THSD7A: variants seen among roughly 807,000 people sequenced by gnomAD.
THSD7A encodes the protein thrombospondin type-1 domain-containing protein 7A.
In THSD7A, 96 loss-of-function variants were observed where a neutral mutation model predicts 231.3. That is an observed-to-expected ratio of 0.41 (90% CI 0.35 to 0.49). The LOEUF (loss-of-function observed/expected upper bound fraction) is 0.49. THSD7A is among the 20% of genes least tolerant of loss of function. The pLI, the probability that THSD7A is intolerant of heterozygous loss-of-function variation, is 0.05. For synonymous variants in THSD7A, 940 were observed against 743.3 expected (o/e 1.26, Z -4.30); for missense variants, 2,290 against 2,070.2 (o/e 1.11, Z -2.06).
At chr7:11,666,634 G>T (rs1367011673) in intron 1 of THSD7A, among the ~76,000 whole-genome samples, 1 of 151,488 alleles carries the variant, frequency 6.6e-6, no homozygotes, top group African/African-American at 2.4e-5. Flanking sequence ...TAATTATCTT[G>T]ATTGTATAAT....
intron 13 of THSD7A, among the ~76,000 whole-genome samples, chr7:11,443,759 G>A (rs1156752781): frequency 6.6e-6 from 1 of 151,692 alleles, no homozygotes; most frequent in Non-Finnish European, 1.5e-5. Flanking sequence ...ATATTTATGG[G>A]GTACCTGTGA....
chr7:11,685,973 C>A (rs1780037168), intron 1 of THSD7A, among the ~76,000 whole-genome samples: 1 of 151,840 alleles, frequency 6.6e-6, no homozygotes, highest in Non-Finnish European at 1.5e-5. Flanking sequence ...AAACTTGGTG[C>A]CCATTAATGG....
At chr7:11,503,940 C>T (rs1787442609) in intron 6 of THSD7A, among the ~76,000 whole-genome samples, 1 of 152,118 alleles carries the variant, frequency 6.6e-6, no homozygotes, top group African/African-American at 2.4e-5. Flanking sequence ...ACCATTTGGT[C>T]CAGCAATCCC....
At chr7:11,755,253 G>A (rs1463335116) in intron 1 of THSD7A, among the ~76,000 whole-genome samples, 1 of 152,036 alleles carries the variant, frequency 6.6e-6, no homozygotes, top group Non-Finnish European at 1.5e-5. Flanking sequence ...CTCATTTAGG[G>A]ACATGGTATA....
At chr7:11,391,880 G>A (rs1382108419) in intron 23 of THSD7A, among the ~76,000 whole-genome samples, 1 of 152,036 alleles carries the variant, frequency 6.6e-6, no homozygotes, top group African/African-American at 2.4e-5. Flanking sequence ...CTCCCCAGGT[G>A]AGGCAATGCC....
At chr7:11,541,374 C>G in intron 6 of THSD7A, 45 bp downstream of exon 6, 1 of 1,564,264 alleles carries the variant, frequency 6.4e-7, no homozygotes, top group Non-Finnish European at 8.8e-7. Flanking sequence ...AACATATATG[C>G]AGGGTTGGAC....
chr7:11,708,216 A>T (rs1780833344), intron 1 of THSD7A, among the ~76,000 whole-genome samples: 2 of 150,822 alleles, frequency 1.3e-5, no homozygotes, highest in South Asian at 4.1e-4. Context: ...TTAAACTTTT[A>T]TAATTATTCC....
At chr7:11,706,759 C>G (rs535027492) in intron 1 of THSD7A, among the ~76,000 whole-genome samples, 1 of 147,326 alleles carries the variant, frequency 6.8e-6, no homozygotes, top group Admixed American at 6.9e-5. Context: ...GTTCTAATCA[C>G]TTTCAAAGGT....
At chr7:11,525,181 C>T (rs931489543) in intron 6 of THSD7A, among the ~76,000 whole-genome samples, 9 of 152,162 alleles carry the variant, frequency 5.9e-5, no homozygotes, top group Admixed American at 3.9e-4. Flanking sequence ...CTTTATGACT[C>T]AGATGCAACT....
intron 4 of THSD7A, among the ~76,000 whole-genome samples, chr7:11,578,644 A>C (rs2128337058): frequency 6.6e-6 from 1 of 152,328 alleles, no homozygotes; most frequent in East Asian, 1.9e-4. Context: ...ATAGCAGAAA[A>C]GGGCTATACA....
intron 1 of THSD7A, among the ~76,000 whole-genome samples, chr7:11,711,083 A>G (rs1369156556): frequency 6.6e-6 from 1 of 150,954 alleles, no homozygotes; most frequent in African/African-American, 2.4e-5. Context: ...TATTCCTGAT[A>G]GTGTCTTCTT....
intron 1 of THSD7A, among the ~76,000 whole-genome samples, chr7:11,791,259 G>A (rs1253773070): frequency 6.6e-6 from 1 of 151,966 alleles, no homozygotes; most frequent in Non-Finnish European, 1.5e-5. Flanking sequence ...CTTGCTCTGA[G>A]TGAGTTCTCT....
chr7:11,729,011 A>G (rs11982362), intron 1 of THSD7A, among the ~76,000 whole-genome samples: 2,950 of 151,928 alleles, frequency 0.019, 103 homozygotes, highest in African/African-American at 0.068. Flanking sequence ...ATGAAACCAT[A>G]TCATTAAAGA....
rs139910424 is a variant in THSD7A, at chr7:11,701,663, G to A, written c.191-64702C>T. 6.0e-4 allele frequency among the ~76,000 whole-genome samples: 90 copies of A among 151,114 alleles called. 1 individual carries two copies. The highest frequency in any genetic ancestry group is 3.4e-3 in the Middle Eastern group (1 of 292). On this transcript the variant is annotated intron_variant, in intron 1 of 27. Transcript: ENST00000423059. ...TTAAAATGCAGATTCTAATTTATAAGGTCTAGGACAGAAACTGACATTTAG... is the reference window on the plus strand; with the variant it reads ...TTAAAATGCAGATTCTAATTTATAAAGTCTAGGACAGAAACTGACATTTAG...
chr7:11,811,455 T>G (rs1236479377), intron 1 of THSD7A, among the ~76,000 whole-genome samples: 1 of 152,192 alleles, frequency 6.6e-6, no homozygotes, highest in Non-Finnish European at 1.5e-5. Flanking sequence ...AACATATATA[T>G]GAATTCAAGT....
At chr7:11,792,338 T>C (rs1316784159) in intron 1 of THSD7A, among the ~76,000 whole-genome samples, 1 of 152,078 alleles carries the variant, frequency 6.6e-6, no homozygotes, top group South Asian at 2.1e-4. Context: ...TAAATGTCAT[T>C]TTCCTGCTGA....
At chr7:11,795,830 T>C (rs1784107394) in intron 1 of THSD7A, among the ~76,000 whole-genome samples, 1 of 151,360 alleles carries the variant, frequency 6.6e-6, no homozygotes, top group Admixed American at 6.6e-5. Context: ...AAATATGGGA[T>C]CAAGGAAGAT....
At chr7:11,617,641 A>T (rs1355020923) in intron 2 of THSD7A, among the ~76,000 whole-genome samples, 3 of 152,250 alleles carry the variant, frequency 2.0e-5, no homozygotes, top group African/African-American at 7.2e-5. Context: ...GTTATCAACA[A>T]TCATCTATTC....
intron 2 of THSD7A, among the ~76,000 whole-genome samples, chr7:11,605,266 G>A (rs1780697200): frequency 6.6e-6 from 1 of 151,844 alleles, no homozygotes; most frequent in African/African-American, 2.4e-5. Context: ...TTCCTAATAT[G>A]GAAAAAAACA....
Sources: gnomAD v4.1 joint callset for allele counts (sites outside exome capture counted in the v4.1 genomes callset) on GRCh38, gnomAD v4.1.1 for gene constraint, MANE v1.5 for transcripts, NCBI Gene and HGNC (gene_info 2026-07-23, HGNC 2026-07-21) for gene names.